The following GRM1 variants were observed in gnomAD, a reference collection of about 807,000 sequenced individuals.
The protein encoded by GRM1 is metabotropic glutamate receptor 1.
In GRM1, 33 loss-of-function variants were observed where a neutral mutation model predicts 90.9. The ratio of observed to expected loss-of-function variants is 0.36; its 90% confidence interval spans 0.28 to 0.49. The LOEUF (loss-of-function observed/expected upper bound fraction) is 0.49. Ranked by LOEUF, GRM1 falls within the 20% of genes least tolerant of loss-of-function variation. The pLI is 0.99. For synonymous variants in GRM1, 700 were observed against 613.2 expected (o/e 1.14, Z -2.09); for missense variants, 1,190 against 1,534.3 (o/e 0.78, Z 3.75).
chr6:146,304,884 G>A (rs767183696), intron 3 of GRM1, 38 bp downstream of exon 3: 2 of 1,369,962 alleles, frequency 1.5e-6, no homozygotes, highest in Admixed American at 1.7e-5. Flanking sequence ...CAGAGGTTTG[G>A]TCATCTCTTC....
intron 7 of GRM1, chr6:146,426,416 G>A: frequency 1.4e-6 from 1 of 693,876 alleles, no homozygotes; most frequent in South Asian, 1.8e-5. Context: ...GCCAGGCAGA[G>A]CAAGGACCAT....
rs140778423 is a variant in GRM1 at position 146,376,690 on chromosome 6, T to C, written c.1603-10200T>C. On this transcript the variant is annotated intron_variant, in intron 5 of 7. Transcript: ENST00000282753. ...TTTTATGTTGTTTCTTTGCTCTTGC[T>C]ACTTTTAGAATCCTTTCTTCATCCT... 9.3e-4 allele frequency among the ~76,000 whole-genome samples: 141 copies of C among 152,262 alleles called. 1 individual carries two copies. The highest frequency in any genetic ancestry group is 3.1e-3 in the African/African-American group (129 of 41,546).
intron 2 of GRM1, among the ~76,000 whole-genome samples, chr6:146,253,674 C>A (rs1176318497): frequency 2.0e-5 from 3 of 152,162 alleles, no homozygotes; most frequent in Middle Eastern, 3.4e-3. Flanking sequence ...AATCTGAAGA[C>A]CTTGTGTAAA....
At chr6:146,050,632 A>G (rs1200575676) in intron 1 of GRM1, among the ~76,000 whole-genome samples, 1 of 152,072 alleles carries the variant, frequency 6.6e-6, no homozygotes, top group Non-Finnish European at 1.5e-5. Context: ...GGGCATTAGT[A>G]ATGGGAGTTT....
chr6:146,103,738 T>G (rs1777126008), intron 1 of GRM1, among the ~76,000 whole-genome samples: 1 of 152,172 alleles, frequency 6.6e-6, no homozygotes, highest in Non-Finnish European at 1.5e-5. Context: ...GTAAACAGAT[T>G]CATTCATCCT....
At chr6:146,128,452 A>C (rs2128879505) in intron 1 of GRM1, among the ~76,000 whole-genome samples, 1 of 152,300 alleles carries the variant, frequency 6.6e-6, no homozygotes, top group East Asian at 1.9e-4. Context: ...TTTTGAGATA[A>C]GAAAAATGCA....
intron 7 of GRM1, among the ~76,000 whole-genome samples, chr6:146,403,785 T>C (rs966513995): frequency 3.9e-5 from 6 of 152,104 alleles, no homozygotes; most frequent in Admixed American, 3.3e-4. Flanking sequence ...TTTGATACAG[T>C]TCTCATTTAT....
chr6:146,111,243 G>A (rs1775547465), intron 1 of GRM1, among the ~76,000 whole-genome samples: 1 of 152,194 alleles, frequency 6.6e-6, no homozygotes, highest in African/African-American at 2.4e-5. Context: ...GGGAAAAAAA[G>A]TGGGATTTGG....
chr6:146,299,886 A>C (rs1486539730), intron 2 of GRM1, among the ~76,000 whole-genome samples: 1 of 152,120 alleles, frequency 6.6e-6, no homozygotes, highest in African/African-American at 2.4e-5. Context: ...TGATTTGAAA[A>C]CATCCAAGCA....
intron 1 of GRM1, among the ~76,000 whole-genome samples, chr6:146,102,902 A>T (rs541232982): frequency 6.6e-6 from 1 of 152,334 alleles, no homozygotes; most frequent in East Asian, 1.9e-4. Context: ...TTCAATGTTC[A>T]CAAAAGTGTG....
chr6:146,360,615 C>A (rs1220770406), intron 5 of GRM1, among the ~76,000 whole-genome samples: 1 of 152,146 alleles, frequency 6.6e-6, no homozygotes, highest in Admixed American at 6.5e-5. Context: ...TGAGCTATCC[C>A]TGAAGTGGGA....
chr6:146,310,652 G>T (rs1435864823), intron 3 of GRM1, among the ~76,000 whole-genome samples: 1 of 152,128 alleles, frequency 6.6e-6, no homozygotes, highest in Non-Finnish European at 1.5e-5. Flanking sequence ...TTAACTCTAA[G>T]TTTAGGCCTT....
At chr6:146,278,336 A>T (rs1782446534) in intron 2 of GRM1, among the ~76,000 whole-genome samples, 1 of 152,194 alleles carries the variant, frequency 6.6e-6, no homozygotes, top group Non-Finnish European at 1.5e-5. Context: ...ATACTACTGG[A>T]TGTGGCATAG....
intron 2 of GRM1, among the ~76,000 whole-genome samples, chr6:146,261,275 A>G (rs77366005): frequency 1.5e-3 from 227 of 152,258 alleles, no homozygotes; most frequent in African/African-American, 5.2e-3. Flanking sequence ...GGTGTTATGC[A>G]ATGGGGACTG....
At chr6:146,099,915 G>A (rs565578886) in intron 1 of GRM1, among the ~76,000 whole-genome samples, 10 of 152,340 alleles carry the variant, frequency 6.6e-5, no homozygotes, top group African/African-American at 1.9e-4. Context: ...CAAAGGGTAT[G>A]TGTGCCTCAA....
intron 1 of GRM1, among the ~76,000 whole-genome samples, chr6:146,031,937 G>A (rs1025165169): frequency 1.2e-4 from 19 of 152,040 alleles, no homozygotes; most frequent in African/African-American, 4.1e-4. Flanking sequence ...TATTAATATT[G>A]GAAGTATAAA....
intron 2 of GRM1, 44 bp downstream of exon 2, chr6:146,159,641 T>TCTCTCTCACACACACACA (rs372590505): frequency 1.9e-5 from 14 of 728,682 alleles, no homozygotes; most frequent in East Asian, 7.0e-5. Context: ...TCTCTCTCTC[T>TCTCTCTCACACACACACA]CACACACACA....
chr6:146,155,765 T>C (rs1335788739), intron 1 of GRM1, among the ~76,000 whole-genome samples: 1 of 152,126 alleles, frequency 6.6e-6, no homozygotes, highest in Non-Finnish European at 1.5e-5. Context: ...CAACTTCATC[T>C]CTTCTCACTT....
intron 3 of GRM1, among the ~76,000 whole-genome samples, chr6:146,344,082 G>A (rs1160237146): frequency 6.6e-6 from 1 of 152,110 alleles, no homozygotes; most frequent in East Asian, 1.9e-4. Flanking sequence ...TTAAATTCAT[G>A]CTGATGTTTC....
Sources: gnomAD v4.1 joint callset for allele counts (sites outside exome capture counted in the v4.1 genomes callset) on GRCh38, gnomAD v4.1.1 for gene constraint, MANE v1.5 for transcripts, NCBI Gene and HGNC (gene_info 2026-07-23, HGNC 2026-07-21) for gene names.